Variants in SHROOM2 observed in about 807,000 individuals in gnomAD.
The protein encoded by SHROOM2 is shroom family member 2.
A neutral mutation model predicts 75.9 loss-of-function variants in SHROOM2; 33 were observed. That is an observed-to-expected ratio of 0.43 (90% CI 0.33 to 0.58). The LOEUF (loss-of-function observed/expected upper bound fraction) is 0.58. SHROOM2 is among the 20% of genes least tolerant of loss of function. SHROOM2 has a pLI of 0.04. For missense variants in SHROOM2, 1,434 were observed against 1,461.2 expected (o/e 0.98, Z 0.30); for synonymous variants, 655 against 663.6 (o/e 0.99, Z 0.20).
intron 1 of SHROOM2, among the ~76,000 whole-genome samples, chrX:9,795,194 G>A (rs936438699): frequency 1.8e-5 from 2 of 109,080 alleles, no homozygotes; most frequent in African/African-American, 6.7e-5. Flanking sequence ...CACGGTTATA[G>A]CCACACTACA....
chrX:9,945,535 TC>T (rs1385419683), intron 9 of SHROOM2, among the ~76,000 whole-genome samples: 1 of 112,333 alleles, frequency 8.9e-6, no homozygotes, highest in Non-Finnish European at 1.9e-5. Flanking sequence ...TTTTAGATAT[TC>T]CTATTGACTC....
At chrX:9,835,057 A>C (rs1445686128) in intron 1 of SHROOM2, among the ~76,000 whole-genome samples, 1 of 112,482 alleles carries the variant, frequency 8.9e-6, no homozygotes, top group African/African-American at 3.2e-5. Context: ...CTTACAGAGA[A>C]TTTTTTTCTT....
At chrX:9,869,186 C>T (rs1364394333) in intron 1 of SHROOM2, among the ~76,000 whole-genome samples, 8 of 111,487 alleles carry the variant, frequency 7.2e-5, no homozygotes, top group African/African-American at 2.6e-4. Context: ...GTCTTGAACT[C>T]CTGACCTCAG....
At chrX:9,812,052 G>A (rs1601920479) in intron 1 of SHROOM2, among the ~76,000 whole-genome samples, 1 of 111,850 alleles carries the variant, frequency 8.9e-6, no homozygotes, top group African/African-American at 3.3e-5. Context: ...AGTTCAGGTC[G>A]CATGGTGACT....
At chrX:9,786,869 G>A (rs2083616693) in intron 1 of SHROOM2, among the ~76,000 whole-genome samples, 159 bp downstream of exon 1, 1 of 111,989 alleles carries the variant, frequency 8.9e-6, no homozygotes, top group Non-Finnish European at 1.9e-5. Flanking sequence ...CGGGACCGGC[G>A]TGGGCGTGTG....
intron 6 of SHROOM2, among the ~76,000 whole-genome samples, chrX:9,935,418 A>C (rs747779268): frequency 1.5e-3 from 169 of 110,287 alleles, no homozygotes; most frequent in Non-Finnish European, 1.3e-3. Context: ...GGGCGCAAGC[A>C]GTCCTCCCAC....
chrX:9,840,522 GC>G (rs1423917033), intron 1 of SHROOM2, among the ~76,000 whole-genome samples: 9 of 112,145 alleles, frequency 8.0e-5, no homozygotes, highest in African/African-American at 2.9e-4. Context: ...ACCTGTCTCA[GC>G]CTCCGCAAGT....
At chrX:9,797,537 G>T (rs2083701591) in intron 1 of SHROOM2, among the ~76,000 whole-genome samples, 1 of 112,983 alleles carries the variant, frequency 8.9e-6, no homozygotes, top group African/African-American at 3.2e-5. Flanking sequence ...GCTGGAAGGA[G>T]TGAGGAAAGC....
At chrX:9,890,906 G>A (rs1028961358) in intron 2 of SHROOM2, 71 bp from the exon 3 acceptor site, 1 of 1,083,997 alleles carries the variant, frequency 9.2e-7, no homozygotes, top group African/African-American at 1.8e-5. Flanking sequence ...CAAGCCCCCT[G>A]CACTGTTTGG....
At chrX:9,846,742 C>T (rs927503700) in intron 1 of SHROOM2, among the ~76,000 whole-genome samples, 4 of 112,467 alleles carry the variant, frequency 3.6e-5, no homozygotes, top group African/African-American at 1.3e-4. Context: ...ACCTTCCTAT[C>T]GTCTCTTTCA....
chrX:9,887,462 C>T (rs1483008346), intron 2 of SHROOM2, among the ~76,000 whole-genome samples: 1 of 111,742 alleles, frequency 8.9e-6, no homozygotes, highest in Non-Finnish European at 1.9e-5. Flanking sequence ...GCCTGGGCAA[C>T]ATAGCAAGAC....
chrX:9,872,094 A>G (rs1267641930), intron 1 of SHROOM2, among the ~76,000 whole-genome samples: 2 of 112,516 alleles, frequency 1.8e-5, no homozygotes, highest in South Asian at 3.7e-4. Flanking sequence ...CCCTGTAGCA[A>G]TATGTAAACC....
chrX:9,905,725 G>A (rs781200987), intron 5 of SHROOM2, among the ~76,000 whole-genome samples: 1 of 112,667 alleles, frequency 8.9e-6, no homozygotes, highest in African/African-American at 3.2e-5. Context: ...GTTGTGGATG[G>A]TGTGCAAGAC....
chrX:9,805,349 G>A (rs1344409023), intron 1 of SHROOM2, among the ~76,000 whole-genome samples: 1 of 113,022 alleles, frequency 8.8e-6, no homozygotes, highest in Non-Finnish European at 1.9e-5. Flanking sequence ...TGGTTCTGTG[G>A]GGTAGGTTTA....
At chrX:9,915,493 T>C (rs2084482193) in intron 5 of SHROOM2, among the ~76,000 whole-genome samples, 1 of 112,077 alleles carries the variant, frequency 8.9e-6, no homozygotes, top group Non-Finnish European at 1.9e-5. Context: ...GGTCTTCTTG[T>C]GGTAATGCCT....
intron 1 of SHROOM2, chrX:9,819,127 A>G: frequency 8.3e-7 from 1 of 1,203,160 alleles, no homozygotes; most frequent in African/African-American, 1.7e-5. Context: ...ATGCCTCGAT[A>G]GCCACAGGCT....
At chrX:9,937,836 C>G (rs1448858355) in intron 7 of SHROOM2, 151 bp downstream of exon 7, 4 of 511,671 alleles carry the variant, frequency 7.8e-6, no homozygotes, top group Non-Finnish European at 1.3e-5. Context: ...CACTTTTTGG[C>G]TTTTTTGTGA....
chrX:9,858,052 G>A (rs1013498163), intron 1 of SHROOM2, among the ~76,000 whole-genome samples: 16 of 111,827 alleles, frequency 1.4e-4, no homozygotes, highest in Admixed American at 5.7e-4. Context: ...GCCTTCTTAG[G>A]CTCTGCTGCC....
At chrX:9,882,088 CTT>C (rs1308494829) in intron 2 of SHROOM2, among the ~76,000 whole-genome samples, 2 of 109,419 alleles carry the variant, frequency 1.8e-5, no homozygotes, top group East Asian at 5.8e-4. Context: ...CTTGAAATCT[CTT>C]TCCTTTCCCT....
Sources: allele counts gnomAD v4.1 joint callset (sites outside exome capture counted in the v4.1 genomes callset), GRCh38; gene constraint gnomAD v4.1.1; transcripts MANE v1.5; gene names NCBI Gene and HGNC (gene_info 2026-07-23, HGNC 2026-07-21).